The following WDR72 variants were observed in gnomAD, a reference collection of about 807,000 sequenced individuals.
WDR72 encodes WD repeat-containing protein 72.
WDR72 carries 120 observed loss-of-function variants against 124.2 expected under a neutral mutation model. The ratio of observed to expected loss-of-function variants is 0.97; its 90% CI spans 0.83 to 1.12. The LOEUF is 1.12. Ranked by LOEUF, WDR72 falls within the 50% of genes most tolerant of loss-of-function variation. The pLI, the probability that WDR72 is intolerant of heterozygous loss-of-function variation, is 0.00. For missense variants in WDR72, 1,387 were observed against 1,278.8 expected, an observed-to-expected ratio of 1.08 and a Z score of -1.29; for synonymous variants, 452 against 441.7, an observed-to-expected ratio of 1.02 and a Z score of -0.29.
intron 17 of WDR72, among the ~76,000 whole-genome samples, chr15:53,605,069 C>T (rs1211688428): frequency 6.6e-6 from 1 of 152,072 alleles, no homozygotes; most frequent in South Asian, 2.1e-4. Flanking sequence ...TTCACAATAA[C>T]AAAGACATGG....
chr15:53,721,629 G>C (rs1307987291), intron 3 of WDR72, among the ~76,000 whole-genome samples: 1 of 152,078 alleles, frequency 6.6e-6, no homozygotes, highest in African/African-American at 2.4e-5. Context: ...TGTTCAACTA[G>C]CCAGCATATT....
intron 1 of WDR72, among the ~76,000 whole-genome samples, chr15:53,736,336 G>T (rs915636674): frequency 2.6e-5 from 4 of 152,110 alleles, no homozygotes; most frequent in Admixed American, 2.0e-4. Flanking sequence ...GTCCAAATGT[G>T]GGGGCAGCTG....
At chr15:53,583,732 A>G (rs1271521212) in intron 18 of WDR72, among the ~76,000 whole-genome samples, 1 of 152,008 alleles carries the variant, frequency 6.6e-6, no homozygotes, top group Non-Finnish European at 1.5e-5. Context: ...AGGGTATGTT[A>G]TATAAAAAAT....
chr15:53,742,153 CTT>C (rs1436490017), intron 1 of WDR72, among the ~76,000 whole-genome samples: 24 of 152,202 alleles, frequency 1.6e-4, no homozygotes, highest in Admixed American at 1.5e-3. Flanking sequence ...TCTTCAGACT[CTT>C]TATCTTTCCC....
intron 14 of WDR72, among the ~76,000 whole-genome samples, chr15:53,653,191 A>C (rs2015302456): frequency 6.6e-6 from 1 of 152,110 alleles, no homozygotes; most frequent in Admixed American, 6.6e-5. Context: ...CATGTTTTAG[A>C]CTTCAGTAGT....
intron 14 of WDR72, among the ~76,000 whole-genome samples, chr15:53,641,503 C>G (rs1008513587): frequency 6.6e-6 from 1 of 151,966 alleles, no homozygotes; most frequent in Non-Finnish European, 1.5e-5. Context: ...ATTTTATAAT[C>G]AACTCATTGG....
chr15:53,702,473 T>G (rs888467457), intron 11 of WDR72, 119 bp from the exon 12 acceptor site: 4 of 817,108 alleles, frequency 4.9e-6, no homozygotes, highest in Non-Finnish European at 7.8e-6. Context: ...AGCATGCACT[T>G]GGCTAAGAAA....
At chr15:53,540,122 C>T (rs1042008181) in intron 18 of WDR72, among the ~76,000 whole-genome samples, 2 of 152,090 alleles carry the variant, frequency 1.3e-5, no homozygotes. Context: ...AACACAGCTA[C>T]TTTAATAAAG....
intron 18 of WDR72, among the ~76,000 whole-genome samples, chr15:53,568,144 A>T (rs900136094): frequency 2.7e-5 from 4 of 150,614 alleles, no homozygotes; most frequent in Admixed American, 6.6e-5. Context: ...TCTGATTTTT[A>T]AAAATAGGTA....
chr15:53,678,929 A>T (rs2016280608), intron 13 of WDR72, among the ~76,000 whole-genome samples: 1 of 152,248 alleles, frequency 6.6e-6, no homozygotes, highest in Non-Finnish European at 1.5e-5. Context: ...TAATGAATGG[A>T]TGAATAAAAT....
At chr15:53,533,294 C>A (rs1892581465) in intron 18 of WDR72, among the ~76,000 whole-genome samples, 1 of 152,076 alleles carries the variant, frequency 6.6e-6, no homozygotes, top group African/African-American at 2.4e-5. Flanking sequence ...GAAAGTAAAT[C>A]TGAAGAAGAG....
intron 17 of WDR72, among the ~76,000 whole-genome samples, chr15:53,599,345 G>A (rs1409704377): frequency 1.3e-5 from 2 of 152,042 alleles, no homozygotes; most frequent in Non-Finnish European, 1.5e-5. Context: ...GTTCCATGAT[G>A]TGGATGATGT....
chr15:53,709,429 T>G (rs2017472552), intron 9 of WDR72, among the ~76,000 whole-genome samples: 1 of 152,238 alleles, frequency 6.6e-6, no homozygotes, highest in Non-Finnish European at 1.5e-5. Context: ...GCAAGGTAAC[T>G]TCCCATGAGA....
At chr15:53,664,215 A>G (rs1409160081) in intron 14 of WDR72, among the ~76,000 whole-genome samples, 1 of 152,140 alleles carries the variant, frequency 6.6e-6, no homozygotes, top group Non-Finnish European at 1.5e-5. Flanking sequence ...ATTTCCATCA[A>G]GGCACCCTGT....
intron 15 of WDR72, 152 bp from the exon 16 acceptor site, chr15:53,613,909 G>T: frequency 1.7e-6 from 1 of 600,776 alleles, no homozygotes; most frequent in Non-Finnish European, 3.0e-6. Flanking sequence ...AATTTCTCTT[G>T]TGAATCTGAT....
chr15:53,524,394 C>T (rs951076819), intron 18 of WDR72, among the ~76,000 whole-genome samples: 8 of 152,050 alleles, frequency 5.3e-5, no homozygotes, highest in African/African-American at 1.9e-4. Context: ...GGGGAGTGGG[C>T]CTAGACACTG....
chr15:53,696,944 A>ACC (rs1193263253), intron 13 of WDR72, among the ~76,000 whole-genome samples: 5 of 152,222 alleles, frequency 3.3e-5, no homozygotes, highest in African/African-American at 1.2e-4. Context: ...GATTGTGTCT[A>ACC]AAGAAGTGAA....
At position 53,714,440 on chromosome 15, in the gene WDR72, G is replaced by A. The variant is rs1031622236; in HGVS notation, c.585C>T (p.Ser195=). 2.5e-6 allele frequency: 4 copies of A among 1,613,260 alleles called. No homozygotes were observed. In the African/African-American group the frequency reaches 5.3e-5, roughly 22 times the overall value. Residue 195 remains serine (S), a synonymous_variant, in exon 6 of 20, where the codon AGC becomes AGT. Transcript: ENST00000360509. ...GTAGGGTTCCCAAGCCAACCTGAAT[G>A]CTGTTGATAGATGAGGAAAGATCCC... The part of the protein sequence containing the change: ...KVWDLSSSIN[S]IQEKQDVYEK...
At chr15:53,695,083 A>G (rs74018714) in intron 13 of WDR72, among the ~76,000 whole-genome samples, 4,127 of 152,310 alleles carry the variant, frequency 0.027, 101 homozygotes, top group East Asian at 0.069. Context: ...TACAGAAAAA[A>G]GTGTTTCTGA....
Sources: gnomAD v4.1 joint callset for allele counts (sites outside exome capture counted in the v4.1 genomes callset) on GRCh38, gnomAD v4.1.1 for gene constraint, MANE v1.5 for transcripts, NCBI Gene and HGNC (gene_info 2026-07-23, HGNC 2026-07-21) for gene names.